The following RSPH10B variants were observed in gnomAD, a reference collection of about 807,000 sequenced individuals.
The protein encoded by RSPH10B is radial spoke head 10 homolog B (Chlamydomonas).
In RSPH10B, 7 loss-of-function variants were observed where a neutral mutation model predicts 52.5. The ratio of observed to expected loss-of-function variants is 0.13; its 90% CI spans 0.08 to 0.25. RSPH10B has a LOEUF of 0.25. Among genes scored for constraint, RSPH10B ranks in the 10% least tolerant of loss-of-function variants. The probability of loss-of-function intolerance (pLI) is 1.00; values close to 1 mark genes in which losing one functional copy is unlikely to be tolerated. For synonymous variants in RSPH10B, 28 were observed against 193.2 expected (o/e 0.14, Z 7.09); for missense variants, 89 against 542.5 (o/e 0.16, Z 8.30).
chr7:5,928,196 C>T (rs756034354), exon 18 of RSPH10B: 12 of 1,612,266 alleles, frequency 7.4e-6, no homozygotes, highest in South Asian at 2.2e-5. Context: ...CGTAAGTTAC[C>T]TTGCTTCCAG....
intron 17 of RSPH10B, among the ~76,000 whole-genome samples, chr7:5,928,992 A>T (rs190194421): frequency 0.013 from 1,866 of 146,852 alleles, 176 homozygotes; most frequent in African/African-American, 0.046. Context: ...TTTCAAGAAT[A>T]AAAAAACTCG....
chr7:5,941,752 A>C (rs1780201842), intron 13 of RSPH10B, among the ~76,000 whole-genome samples: 2 of 141,282 alleles, frequency 1.4e-5, no homozygotes, highest in Admixed American at 1.4e-4. Context: ...AAAAAAAAAA[A>C]AGTATCATGG....
rs749316093 is a variant in RSPH10B, at chr7:5,966,816, C to T, written c.254+47G>A. The T allele has an allele frequency of 8.2e-6, 5 of 611,140 alleles. 1 individual carries two copies. The highest frequency in any genetic ancestry group is 3.5e-4 in the Middle Eastern group (1 of 2,856). 37.9% of individuals were successfully genotyped at this position (611,140 alleles called of 1,614,324 possible). ...TGTCTCAAAGTAAAATAAGATAAAC[C>T]GCCTGACTGGCAGTGTTATACCCGA... On this transcript the variant is annotated intron_variant, in intron 1 of 18. Coordinates refer to ENST00000337579, the Ensembl canonical transcript of RSPH10B.
At position 5,931,531 on chromosome 7, in the gene RSPH10B, G is replaced by T. The variant is rs1166627211; in HGVS notation, c.2233+1251C>A. ...ACTTGGGCCCGGGAGTTCAAGACCA[G>T]CCTGGGCAACATAGCAAGACCCCAT... On this transcript the variant is annotated intron_variant, in intron 17 of 18. Transcript: ENST00000337579. Among the ~76,000 whole-genome samples the T allele has an allele frequency of 3.3e-5, 5 of 151,344 alleles. No homozygotes were observed. The South Asian group carries it at 6.2e-4, about 19-fold the overall frequency.
chr7:5,929,019 C>CTT (rs965208652), intron 17 of RSPH10B, among the ~76,000 whole-genome samples: 1 of 139,264 alleles, frequency 7.2e-6, no homozygotes. Flanking sequence ...TTGCTTTTTT[C>CTT]TTTTTTTTTT....
rs1362571995 is a variant in RSPH10B at position 5,927,174 on chromosome 7, C to T, written c.2433-626G>A. Among the ~76,000 whole-genome samples the T allele has an allele frequency of 2.1e-4, 29 of 140,006 alleles. No individual in the cohort carries two copies. The Admixed American group carries it at 2.1e-3, about 10-fold the overall frequency. The allele number at this position is 140,006 out of a possible 152,430, so 91.8% of individuals were successfully genotyped here. On this transcript the variant is annotated intron_variant, in intron 18 of 18. Transcript: ENST00000337579. ...TGGCACAAACAAATCACTGCAGCCT[C>T]AACCTCCCAGGCTCAAGCAATCCTC...
At chr7:5,933,015 CTTTTTTTTT>C (rs71223185) in intron 16 of RSPH10B, 140 bp from the exon 19 acceptor site, 1 of 25,518 alleles carries the variant, frequency 3.9e-5, no homozygotes, top group Non-Finnish European at 7.2e-5. Flanking sequence ...TTTAATTTGA[CTTTTTTTTT>C]TTTTTTTTTT....
chr7:5,930,459 CCT>C (rs200545267), intron 17 of RSPH10B, among the ~76,000 whole-genome samples: 678 of 4,818 alleles, frequency 0.14, 112 homozygotes, highest in African/African-American at 0.46. Context: ...GCAGGAATGC[CCT>C]GTCTCTGCTG....
intron 9 of RSPH10B, among the ~76,000 whole-genome samples, chr7:5,950,569 CAA>C (rs71251915): frequency 6.0e-5 from 8 of 133,460 alleles, no homozygotes; most frequent in East Asian, 2.2e-4. Context: ...GACTCCGTCT[CAA>C]AAAAAAAAAA....
Position 5,929,129 on chromosome 7 carries a change from A to G in RSPH10B, c.2234-735T>C, listed in dbSNP as rs1779686444. 1.4e-5 allele frequency among the ~76,000 whole-genome samples: 2 copies of G among 144,974 alleles called. 1 individual carries two copies. Among genetic ancestry groups the G allele is most frequent in the Non-Finnish European group, 3.0e-5 (2 of 66,916 alleles). The stretch of plus-strand genomic sequence containing the variant: ...TGGGCTCAAGTGATCCTCCTATCTC[A>G]GCCTCCCTAATAGCTGAGAATACAG... On this transcript the variant is annotated intron_variant, in intron 17 of 18. Transcript: ENST00000337579.
chr7:5,941,526 C>T (rs1425570733), intron 13 of RSPH10B, among the ~76,000 whole-genome samples: 1 of 149,324 alleles, frequency 6.7e-6, no homozygotes, highest in African/African-American at 2.4e-5. Flanking sequence ...GGGCGGATCA[C>T]GAGGTCAAGA....
At chr7:5,933,562 A>G (rs1201143183) in intron 16 of RSPH10B, among the ~76,000 whole-genome samples, 1 of 138,914 alleles carries the variant, frequency 7.2e-6, no homozygotes, top group African/African-American at 2.5e-5. Context: ...GATCGAGACC[A>G]TCCTGGCTAA....
chr7:5,941,102 G>C (rs925125636), intron 13 of RSPH10B, among the ~76,000 whole-genome samples: 1 of 71,960 alleles, frequency 1.4e-5, no homozygotes, highest in Non-Finnish European at 3.0e-5. Context: ...AGGAGTTCAA[G>C]ATCAGCCTGG....
In RSPH10B at chr7:5,929,068, G is replaced by A. The variant is rs1167175938; in HGVS notation, c.2234-674C>T. Among the ~76,000 whole-genome samples the A allele has an allele frequency of 3.4e-5, 5 of 146,586 alleles. No homozygotes were observed. In the Admixed American group the frequency reaches 3.4e-4, roughly 10 times the overall value. Reference sequence around the variant, plus strand: ...CTATGGCCCAGGCTGGAGTGCAGTGGCATGACCATGGCTCACTGAAGCCTG... The same window carrying A: ...CTATGGCCCAGGCTGGAGTGCAGTGACATGACCATGGCTCACTGAAGCCTG... On this transcript the variant is annotated intron_variant, in intron 17 of 18. Transcript: ENST00000337579.
intron 3 of RSPH10B, among the ~76,000 whole-genome samples, chr7:5,961,330 G>T (rs1262627984): frequency 6.8e-6 from 1 of 146,138 alleles, no homozygotes; most frequent in Admixed American, 6.9e-5. Flanking sequence ...TCTAGAAAAA[G>T]ATTTTATTTG....
At chr7:5,961,290 C>A (rs1780932659) in intron 3 of RSPH10B, among the ~76,000 whole-genome samples, 1 of 143,430 alleles carries the variant, frequency 7.0e-6, no homozygotes, top group South Asian at 2.1e-4. Flanking sequence ...GAATTTGAGG[C>A]CAGTCTGGGC....
chr7:5,940,106 G>T (rs1365461834), intron 13 of RSPH10B, among the ~76,000 whole-genome samples: 2 of 122,756 alleles, frequency 1.6e-5, no homozygotes, highest in Non-Finnish European at 1.9e-5. Context: ...CTGAGGCAAG[G>T]GAATCACTTG....
chr7:5,930,712 A>G (rs796498084), intron 17 of RSPH10B, among the ~76,000 whole-genome samples: 2,028 of 32,250 alleles, frequency 0.063, 436 homozygotes, highest in South Asian at 0.13. Context: ...ACAGTGCCAC[A>G]TGGAGCAAAA....
At chr7:5,928,846 G>GA (rs1779669567) in intron 17 of RSPH10B, among the ~76,000 whole-genome samples, 2 of 148,976 alleles carry the variant, frequency 1.3e-5, no homozygotes, top group Non-Finnish European at 3.0e-5. Flanking sequence ...GGCTGGTCTC[G>GA]AACTCTTAAC....
Sources: gnomAD v4.1 joint callset for allele counts (sites outside exome capture counted in the v4.1 genomes callset) on GRCh38, gnomAD v4.1.1 for gene constraint, MANE v1.5 for transcripts, NCBI Gene and HGNC (gene_info 2026-07-23, HGNC 2026-07-21) for gene names.